Variants in CDK19 observed in about 807,000 individuals in gnomAD.
CDK19 encodes the protein cyclin-dependent kinase 19.
A neutral mutation model predicts 68.3 loss-of-function variants in CDK19; 20 were observed. The ratio of observed to expected loss-of-function variants is 0.29; its 90% CI spans 0.21 to 0.43. The LOEUF (loss-of-function observed/expected upper bound fraction) is 0.43, where lower values mean the gene tolerates loss of function less well. Ranked by LOEUF, CDK19 falls within the 20% of genes least tolerant of loss-of-function variation. CDK19 has a pLI of 1.00. For missense variants in CDK19, 339 were observed against 623.5 expected (o/e 0.54, Z 4.86); for synonymous variants, 221 against 222.8 (o/e 0.99, Z 0.07).
chr6:110,635,381 G>A (rs1779699887), intron 5 of CDK19, among the ~76,000 whole-genome samples: 1 of 152,220 alleles, frequency 6.6e-6, no homozygotes, highest in African/African-American at 2.4e-5. Context: ...ACTTGGGCTG[G>A]ATCCTGCAGG....
chr6:110,686,909 A>G (rs1284596261), intron 2 of CDK19, among the ~76,000 whole-genome samples: 6 of 152,196 alleles, frequency 3.9e-5, no homozygotes, highest in Admixed American at 2.6e-4. Flanking sequence ...TCTAAAATAC[A>G]TAGTTTCGGC....
At chr6:110,617,283 G>C (rs1245082180) in intron 12 of CDK19, among the ~76,000 whole-genome samples, 1 of 152,148 alleles carries the variant, frequency 6.6e-6, no homozygotes, top group African/African-American at 2.4e-5. Context: ...GGCATATCCT[G>C]TCTGACTGTA....
At chr6:110,640,873 C>T (rs964944825) in intron 4 of CDK19, among the ~76,000 whole-genome samples, 4 of 152,166 alleles carry the variant, frequency 2.6e-5, no homozygotes, top group African/African-American at 9.6e-5. Flanking sequence ...GAGAGGACTG[C>T]TTGAGCCCAG....
Position 110,615,957 on chromosome 6 carries a change from G to C in CDK19, c.1378-1291C>G, listed in dbSNP as rs117002184. Among the ~76,000 whole-genome samples, 765 of 152,140 alleles carry C rather than the reference G, an allele frequency of 5.0e-3. 4 individuals are homozygous for C. Among genetic ancestry groups the C allele is most frequent in the Middle Eastern group, 0.024 (7 of 294 alleles). ...CCAGTCCTGTGGCCCCCACCCAGAA[G>C]TGGACTCAGCACAGGAAGACCATTT... On this transcript the variant is annotated intron_variant, in intron 12 of 12. Transcript: ENST00000368911.
At chr6:110,695,527 A>C (rs1562205775) in intron 2 of CDK19, among the ~76,000 whole-genome samples, 1 of 152,180 alleles carries the variant, frequency 6.6e-6, no homozygotes, top group Non-Finnish European at 1.5e-5. Flanking sequence ...AAATTGAAAC[A>C]AAAAAATTTA....
chr6:110,674,587 T>G (rs1010875119), intron 2 of CDK19, among the ~76,000 whole-genome samples: 3 of 152,162 alleles, frequency 2.0e-5, no homozygotes, highest in African/African-American at 7.2e-5. Flanking sequence ...GATAGAAGAT[T>G]AAACTAGCTG....
At position 110,734,601 on chromosome 6, in the gene CDK19, C is replaced by G. The variant is rs184332439; in HGVS notation, c.204+11525G>C. ...CTCCATGCTGTTTCAGACCAAATATCCTTCTACATTCTCCCTTCTCCACCT... is the reference window on the plus strand; with the variant it reads ...CTCCATGCTGTTTCAGACCAAATATGCTTCTACATTCTCCCTTCTCCACCT... On this transcript the variant is annotated intron_variant, in intron 2 of 12. Transcript: ENST00000368911. 2.8e-5 allele frequency among the ~76,000 whole-genome samples: 4 copies of G among 141,176 alleles called. No homozygotes were observed. The Admixed American group carries it at 3.2e-4, about 11-fold the overall frequency. 92.6% of individuals were successfully genotyped at this position (141,176 alleles called of 152,430 possible). A position where few individuals can be genotyped will look rare whatever the true frequency, so the allele number is the denominator to read the frequency against.
intron 3 of CDK19, among the ~76,000 whole-genome samples, chr6:110,669,692 T>A (rs760352006): frequency 2.0e-5 from 3 of 152,028 alleles, no homozygotes; most frequent in Non-Finnish European, 1.5e-5. Flanking sequence ...AGTGCCAGAT[T>A]TGAAGTTTGT....
intron 3 of CDK19, among the ~76,000 whole-genome samples, chr6:110,668,815 A>G (rs556058339): frequency 2.7e-4 from 41 of 152,040 alleles, no homozygotes; most frequent in Middle Eastern, 3.4e-3. Flanking sequence ...CTGGACAACA[A>G]AAGTGAAACT....
At chr6:110,775,687 A>C (rs905748140) in intron 1 of CDK19, among the ~76,000 whole-genome samples, 1 of 152,240 alleles carries the variant, frequency 6.6e-6, no homozygotes, top group Non-Finnish European at 1.5e-5. Flanking sequence ...AGACTACAAA[A>C]CATAGCTGAT....
intron 4 of CDK19, chr6:110,646,613 G>T: frequency 1.7e-6 from 1 of 605,928 alleles, no homozygotes; most frequent in South Asian, 3.7e-5. Flanking sequence ...GCGGGGAGGG[G>T]GGATTCGGAA....
intron 1 of CDK19, among the ~76,000 whole-genome samples, chr6:110,800,350 T>G (rs1353818013): frequency 6.6e-6 from 1 of 152,134 alleles, no homozygotes; most frequent in Non-Finnish European, 1.5e-5. Flanking sequence ...ACCAGATGGA[T>G]TCACAGTTGA....
intron 1 of CDK19, among the ~76,000 whole-genome samples, chr6:110,784,637 T>C (rs1322315700): frequency 6.6e-6 from 1 of 152,154 alleles, no homozygotes; most frequent in Non-Finnish European, 1.5e-5. Flanking sequence ...CTCCTAGATA[T>C]ATACCCAAGA....
intron 2 of CDK19, among the ~76,000 whole-genome samples, chr6:110,675,069 G>A (rs1378146938): frequency 2.0e-5 from 3 of 152,160 alleles, no homozygotes; most frequent in Non-Finnish European, 4.4e-5. Context: ...AAAAGTGCAA[G>A]GTGATACAGC....
At chr6:110,668,424 T>C (rs1470450006) in intron 3 of CDK19, among the ~76,000 whole-genome samples, 2 of 152,252 alleles carry the variant, frequency 1.3e-5, no homozygotes, top group Non-Finnish European at 2.9e-5. Context: ...TGTTCAGTAA[T>C]AACATTGATT....
intron 2 of CDK19, among the ~76,000 whole-genome samples, chr6:110,703,137 AC>A (rs1018569101): frequency 2.0e-5 from 3 of 152,140 alleles, no homozygotes; most frequent in Non-Finnish European, 4.4e-5. Flanking sequence ...TTCAGTTGAA[AC>A]CAGCATTTCC....
At chr6:110,660,580 A>G (rs1781558517) in intron 4 of CDK19, among the ~76,000 whole-genome samples, 1 of 152,108 alleles carries the variant, frequency 6.6e-6, no homozygotes, top group Admixed American at 6.5e-5. Flanking sequence ...CTGATTGCCA[A>G]TAAAAGTGGC....
intron 3 of CDK19, among the ~76,000 whole-genome samples, chr6:110,669,041 A>T (rs890482962): frequency 1.3e-5 from 2 of 152,220 alleles, no homozygotes; most frequent in Admixed American, 6.5e-5. Flanking sequence ...CCAATGTACA[A>T]CATCATCTTC....
chr6:110,619,160 A>T (rs929810205), intron 12 of CDK19, among the ~76,000 whole-genome samples: 22 of 152,130 alleles, frequency 1.4e-4, no homozygotes, highest in Non-Finnish European at 3.1e-4. Context: ...AAGGTTTATT[A>T]TTTTTTTCCA....
Sources: allele counts gnomAD v4.1 joint callset (sites outside exome capture counted in the v4.1 genomes callset), GRCh38; gene constraint gnomAD v4.1.1; transcripts MANE v1.5; gene names NCBI Gene and HGNC (gene_info 2026-07-23, HGNC 2026-07-21).